PRKX: variants seen among roughly 807,000 people sequenced by gnomAD.
PRKX encodes protein kinase cAMP-dependent X-linked catalytic subunit, also known as cAMP-dependent protein kinase catalytic subunit PRKX.
PRKX carries 12 observed loss-of-function variants against 22.0 expected under a neutral mutation model. That is an observed-to-expected ratio of 0.54 (90% confidence interval 0.35 to 0.88). The LOEUF (loss-of-function observed/expected upper bound fraction) is 0.88, where lower values mean the gene tolerates loss of function less well. Among genes scored for constraint, PRKX ranks in the 40% least tolerant of loss-of-function variants. PRKX has a pLI of 0.01. For synonymous variants in PRKX, 134 were observed against 137.7 expected (o/e 0.97, Z 0.19); for missense variants, 217 against 308.0 (o/e 0.70, Z 2.21).
chrX:3,635,174 C>A (rs915280356), intron 4 of PRKX, among the ~76,000 whole-genome samples: 1 of 111,913 alleles, frequency 8.9e-6, no homozygotes, highest in Non-Finnish European at 1.9e-5. Flanking sequence ...ACAGCTGTAA[C>A]ACACAGAAAT....
rs374202604 is a variant in PRKX, at chrX:3,650,293, G to A, written c.599+4856C>T. On this transcript the variant is annotated intron_variant, in intron 3 of 8. Transcript: ENST00000262848. ...TCCCAGCACTCTGGGAGGCCGAGGC[G>A]GGCGGATCACGAGGTCAGGAGATCG... Among the ~76,000 whole-genome samples, 293 of 100,601 alleles carry A rather than the reference G, an allele frequency of 2.9e-3. 2 individuals are homozygous for A. Among genetic ancestry groups the A allele is most frequent in the African/African-American group, 0.01 (282 of 27,310 alleles). 87.4% of individuals were successfully genotyped at this position (100,601 alleles called of 115,157 possible).
At chrX:3,616,735 T>C (rs1171548694) in intron 6 of PRKX, among the ~76,000 whole-genome samples, 2 of 112,354 alleles carry the variant, frequency 1.8e-5, no homozygotes, top group African/African-American at 6.5e-5. Context: ...TTTTTTCTAT[T>C]GTTTTCCCAT....
chrX:3,700,719 C>T (rs1421436683), intron 1 of PRKX, among the ~76,000 whole-genome samples: 1 of 108,093 alleles, frequency 9.3e-6, no homozygotes, highest in African/African-American at 3.4e-5. Flanking sequence ...GCTGGGACTA[C>T]AGGCACGTGC....
intron 5 of PRKX, among the ~76,000 whole-genome samples, chrX:3,625,363 C>A (rs1926639231): frequency 1.8e-5 from 2 of 111,380 alleles, no homozygotes; most frequent in Admixed American, 9.5e-5. Flanking sequence ...CTTCTCTGAA[C>A]TGAACTTCCA....
In PRKX at chrX:3,653,658, A is replaced by G. The variant is rs111509266; in HGVS notation, c.599+1491T>C. 2.5e-3 allele frequency among the ~76,000 whole-genome samples: 177 copies of G among 72,016 alleles called. 4 individuals carry two copies. Among genetic ancestry groups the G allele is most frequent in the African/African-American group, 8.6e-3 (170 of 19,802 alleles). 62.5% of individuals were successfully genotyped at this position (72,016 alleles called of 115,157 possible). A position where few individuals can be genotyped will look rare whatever the true frequency, so the allele number is the denominator to read the frequency against. On this transcript the variant is annotated intron_variant, in intron 3 of 8. Coordinates refer to ENST00000262848, the MANE Select transcript of PRKX (RefSeq NM_005044.5). Reference sequence around the variant, plus strand: ...CTATGTAATATATATATTATATATAATATACTATGTGATATATATAATATA... The same window carrying G: ...CTATGTAATATATATATTATATATAGTATACTATGTGATATATATAATATA...
intron 1 of PRKX, among the ~76,000 whole-genome samples, chrX:3,686,837 G>A (rs112295595): frequency 0.017 from 1,909 of 111,244 alleles, 41 homozygotes; most frequent in African/African-American, 0.059. Flanking sequence ...GATCACAGGC[G>A]TGAGCCATCA....
chrX:3,707,576 C>T (rs370533781), intron 1 of PRKX, among the ~76,000 whole-genome samples: 50 of 110,638 alleles, frequency 4.5e-4, no homozygotes, highest in East Asian at 2.8e-3. Context: ...GGCAACACAG[C>T]GAGACCCTGT....
intron 4 of PRKX, among the ~76,000 whole-genome samples, 160 bp from the exon 5 acceptor site, chrX:3,626,674 C>G (rs1052692783): frequency 1.8e-5 from 2 of 112,467 alleles, no homozygotes; most frequent in Non-Finnish European, 3.8e-5. Flanking sequence ...AAGCACGTGA[C>G]AGTCAGATGG....
intron 1 of PRKX, among the ~76,000 whole-genome samples, chrX:3,685,368 T>A (rs1485159431): frequency 9.2e-6 from 1 of 108,982 alleles, no homozygotes; most frequent in African/African-American, 3.4e-5. Flanking sequence ...TCCTCAGCCA[T>A]CTCACTACTA....
chrX:3,666,446 A>G (rs80021284), intron 2 of PRKX, among the ~76,000 whole-genome samples: 15,887 of 109,987 alleles, frequency 0.14, 1,197 homozygotes, highest in Admixed American at 0.36. Context: ...GTGAGCCACC[A>G]CGCCCAGCCG....
chrX:3,658,331 T>C lies in PRKX; in HGVS notation c.336-2919A>G, dbSNP rs145780608. ...CAGGTTCTTATTCTGTCTGCCAGGC[T>C]GGAGTGCAGTGGTGCAGGTAAGGCT... On this transcript the variant is annotated intron_variant, in intron 2 of 8. Coordinates refer to ENST00000262848, the MANE Select transcript of PRKX (RefSeq NM_005044.5). Among the ~76,000 whole-genome samples the C allele has an allele frequency of 3.2e-3, 362 of 111,408 alleles. 1 individual carries two copies. Among genetic ancestry groups the C allele is most frequent in the African/African-American group, 0.011 (343 of 30,648 alleles).
At chrX:3,694,747 C>T (rs1295221808) in intron 1 of PRKX, among the ~76,000 whole-genome samples, 1 of 110,131 alleles carries the variant, frequency 9.1e-6, no homozygotes, top group Non-Finnish European at 1.9e-5. Flanking sequence ...AAGGGTGGGC[C>T]CTAAATCCAA....
chrX:3,702,220 C>T (rs1186382409), intron 1 of PRKX, among the ~76,000 whole-genome samples: 3 of 112,354 alleles, frequency 2.7e-5, no homozygotes, highest in African/African-American at 9.7e-5. Context: ...TTCACAGGGT[C>T]CCCCTCTGCC....
chrX:3,645,268 G>C (rs1013142326), intron 3 of PRKX, among the ~76,000 whole-genome samples: 12 of 110,990 alleles, frequency 1.1e-4, no homozygotes, highest in African/African-American at 2.9e-4. Context: ...CTATGGCCGG[G>C]GGGAGGGGAG....
intron 1 of PRKX, among the ~76,000 whole-genome samples, chrX:3,686,286 C>T (rs1445261104): frequency 9.0e-6 from 1 of 111,331 alleles, no homozygotes; most frequent in East Asian, 2.8e-4. Context: ...TTCCAAAAGT[C>T]TGATATGTCC....
intron 1 of PRKX, among the ~76,000 whole-genome samples, chrX:3,686,685 G>C (rs1487120175): frequency 9.1e-6 from 1 of 109,848 alleles, no homozygotes; most frequent in Non-Finnish European, 1.9e-5. Flanking sequence ...AGCCTCCAGA[G>C]TAGCTGGGAT....
In PRKX at chrX:3,633,185, C is replaced by T. The variant is rs1294094014; in HGVS notation, c.720-6671G>A. On this transcript the variant is annotated intron_variant, in intron 4 of 8. Transcript: ENST00000262848. Reference sequence around the variant, plus strand: ...GGAGGATCGCTTGAGCCCAGGAGGTCGAGGCTTCAGTAAGCTATGACTGCA... The same window carrying T: ...GGAGGATCGCTTGAGCCCAGGAGGTTGAGGCTTCAGTAAGCTATGACTGCA... 4.7e-5 allele frequency among the ~76,000 whole-genome samples: 5 copies of T among 107,243 alleles called. No individual in the cohort carries two copies. In the Admixed American group the frequency reaches 5.1e-4, roughly 11 times the overall value. 93.1% of individuals were successfully genotyped at this position (107,243 alleles called of 115,157 possible).
intron 5 of PRKX, among the ~76,000 whole-genome samples, chrX:3,624,450 C>T (rs1926620121): frequency 9.1e-6 from 1 of 110,224 alleles, no homozygotes; most frequent in Admixed American, 9.7e-5. Context: ...TGCTGGTTCC[C>T]TACTCTCAAA....
chrX:3,669,358 CCA>C (rs1927803023), intron 2 of PRKX, among the ~76,000 whole-genome samples: 1 of 110,913 alleles, frequency 9.0e-6, no homozygotes, highest in African/African-American at 3.4e-5. Flanking sequence ...ATCCATCCAT[CCA>C]TCCATCAACT....
Sources: gnomAD v4.1 joint callset for allele counts (sites outside exome capture counted in the v4.1 genomes callset) on GRCh38, gnomAD v4.1.1 for gene constraint, MANE v1.5 for transcripts, NCBI Gene and HGNC (gene_info 2026-07-23, HGNC 2026-07-21) for gene names.